The following CTNND2 variants were observed in gnomAD, a reference collection of about 807,000 sequenced individuals.
CTNND2 encodes the protein catenin delta 2.
A neutral mutation model predicts 144.4 loss-of-function variants in CTNND2; 22 were observed. The observed-to-expected ratio is 0.15, with a 90% CI of 0.11 to 0.22. CTNND2 has a LOEUF of 0.22. Ranked by LOEUF, CTNND2 falls within the 10% of genes least tolerant of loss-of-function variation. CTNND2 has a pLI of 1.00. For missense variants in CTNND2, 1,353 were observed against 1,618.8 expected (o/e 0.84, Z 2.82); for synonymous variants, 751 against 695.6 (o/e 1.08, Z -1.25).
intron 7 of CTNND2, among the ~76,000 whole-genome samples, chr5:11,382,333 T>A (rs1581068597): frequency 6.6e-6 from 1 of 152,290 alleles, no homozygotes; most frequent in East Asian, 1.9e-4. Flanking sequence ...GTGCGGTGGC[T>A]AAGGCCTGTA....
chr5:11,519,145 C>T (rs1026347981), intron 3 of CTNND2, among the ~76,000 whole-genome samples: 1 of 152,264 alleles, frequency 6.6e-6, no homozygotes, highest in Middle Eastern at 3.4e-3. Context: ...ACTAGTTCAT[C>T]TCAACATGCC....
At chr5:10,981,711 T>C in intron 21 of CTNND2, 62 bp downstream of exon 21, 1 of 1,454,398 alleles carries the variant, frequency 6.9e-7, no homozygotes, top group Non-Finnish European at 9.6e-7. Flanking sequence ...TGTTTAAAAT[T>C]CCAGGTTATT....
intron 1 of CTNND2, among the ~76,000 whole-genome samples, chr5:11,830,382 T>C (rs1447915229): frequency 6.6e-6 from 1 of 152,156 alleles, no homozygotes; most frequent in Non-Finnish European, 1.5e-5. Flanking sequence ...AGGGACCCTG[T>C]GGGAGGTAAT....
chr5:11,606,684 A>G (rs1780063078), intron 2 of CTNND2, among the ~76,000 whole-genome samples: 4 of 152,188 alleles, frequency 2.6e-5, no homozygotes, highest in Admixed American at 6.5e-5. Flanking sequence ...AGTCAGCTTT[A>G]TAAGTGTGTC....
chr5:11,585,166 G>C (rs1303426594), intron 2 of CTNND2, among the ~76,000 whole-genome samples: 2 of 152,076 alleles, frequency 1.3e-5, no homozygotes, highest in African/African-American at 2.4e-5. Flanking sequence ...GTTTCACTAA[G>C]AGTCTGTCTG....
chr5:11,695,615 T>C (rs1785106472), intron 2 of CTNND2, among the ~76,000 whole-genome samples: 1 of 152,230 alleles, frequency 6.6e-6, no homozygotes, highest in Non-Finnish European at 1.5e-5. Context: ...CGTAACAATG[T>C]CACATTCACA....
chr5:11,049,120 G>C lies in CTNND2; in HGVS notation c.2789-26141C>G, dbSNP rs370499049. 1.4e-4 allele frequency among the ~76,000 whole-genome samples: 21 copies of C among 152,322 alleles called. 1 individual carries two copies. In the South Asian group the frequency reaches 4.2e-3, roughly 30 times the overall value. On this transcript the variant is annotated intron_variant, in intron 16 of 21. Transcript: ENST00000304623. ...TAAGACGAGGTCACTGCTGGAAATGGGGGAAGGTAAGTCACCTTCTGAAAG... is the reference window on the plus strand; with the variant it reads ...TAAGACGAGGTCACTGCTGGAAATGCGGGAAGGTAAGTCACCTTCTGAAAG...
chr5:11,559,715 C>G (rs1776533950), intron 3 of CTNND2, among the ~76,000 whole-genome samples: 2 of 152,172 alleles, frequency 1.3e-5, no homozygotes, highest in South Asian at 4.1e-4. Flanking sequence ...ACCTGCTTCT[C>G]TGCAGCTTGC....
At chr5:10,978,094 G>A (rs1048995744) in intron 21 of CTNND2, among the ~76,000 whole-genome samples, 6 of 152,154 alleles carry the variant, frequency 3.9e-5, no homozygotes, top group East Asian at 1.9e-4. Context: ...AGACAGGAGC[G>A]CTCAGCAGAG....
chr5:11,723,255 A>G (rs954902345), intron 2 of CTNND2, among the ~76,000 whole-genome samples: 19 of 152,108 alleles, frequency 1.2e-4, no homozygotes, highest in African/African-American at 4.6e-4. Context: ...TCTAGTTTCA[A>G]AAAAAAAGAC....
intron 1 of CTNND2, among the ~76,000 whole-genome samples, chr5:11,825,392 C>T (rs941129581): frequency 6.6e-6 from 1 of 152,018 alleles, no homozygotes; most frequent in East Asian, 1.9e-4. Context: ...CAAGATAACT[C>T]AATACAGATT....
chr5:11,150,622 T>G lies in CTNND2; in HGVS notation c.2159+8954A>C, dbSNP rs1328383225. ...GGCCTCTGAACTGCTGCCTTCTTTT[T>G]TTTTTTTTTTTTTTTTTTTTTTGAC... On this transcript the variant is annotated intron_variant, in intron 12 of 21. Transcript: ENST00000304623. Among the ~76,000 whole-genome samples, 68 of 137,616 alleles carry G rather than the reference T, an allele frequency of 4.9e-4. 2 individuals are homozygous for G. The highest frequency in any genetic ancestry group is 1.8e-3 in the African/African-American group (65 of 36,420). The allele number at this position is 137,616 out of a possible 152,430, so 90.3% of individuals were successfully genotyped here. A position where few individuals can be genotyped will look rare whatever the true frequency, so the allele number is the denominator to read the frequency against.
At chr5:11,645,757 C>G (rs1257426926) in intron 2 of CTNND2, among the ~76,000 whole-genome samples, 1 of 151,926 alleles carries the variant, frequency 6.6e-6, no homozygotes, top group Non-Finnish European at 1.5e-5. Flanking sequence ...AGTTTACATC[C>G]TTATCATAAA....
intron 2 of CTNND2, among the ~76,000 whole-genome samples, chr5:11,704,455 C>T (rs921392421): frequency 2.6e-5 from 4 of 152,162 alleles, no homozygotes; most frequent in Non-Finnish European, 5.9e-5. Flanking sequence ...CTCTCAGTTG[C>T]TACCTGGCAG....
At chr5:11,710,299 T>C (rs1785950621) in intron 2 of CTNND2, among the ~76,000 whole-genome samples, 1 of 152,044 alleles carries the variant, frequency 6.6e-6, no homozygotes, top group Non-Finnish European at 1.5e-5. Flanking sequence ...TCCCAGCACT[T>C]TGGGAGGCTG....
In CTNND2 at chr5:11,879,350, T is replaced by TAC. The variant is rs1338107348; in HGVS notation, c.37+24466_37+24467insGT. Among the ~76,000 whole-genome samples the TAC allele has an allele frequency of 3.2e-4, 44 of 136,302 alleles. 6 individuals carry two copies. Among genetic ancestry groups the TAC allele is most frequent in the Admixed American group, 1.8e-3 (24 of 13,284 alleles). The allele number at this position is 136,302 out of a possible 152,430, so 89.4% of individuals were successfully genotyped here. On this transcript the variant is annotated intron_variant, in intron 1 of 21. Coordinates refer to ENST00000304623, the MANE Select transcript of CTNND2 (RefSeq NM_001332.4). Reference sequence around the variant, plus strand: ...AAAAAATTAAATGTGTGTATATATATATATATACATATACACACACACACA... The same window carrying TAC: ...AAAAAATTAAATGTGTGTATATATATACATATATACATATACACACACACACA...
At chr5:11,223,256 C>A (rs1236447209) in intron 10 of CTNND2, among the ~76,000 whole-genome samples, 1 of 152,224 alleles carries the variant, frequency 6.6e-6, no homozygotes, top group Non-Finnish European at 1.5e-5. Context: ...CCTTGTCCAT[C>A]TTCCTTGAAG....
chr5:10,995,779 G>T (rs1356867288), intron 18 of CTNND2, among the ~76,000 whole-genome samples: 2 of 152,198 alleles, frequency 1.3e-5, no homozygotes, highest in African/African-American at 4.8e-5. Context: ...GATTAAGTGA[G>T]CAATGGGGTC....
At chr5:11,856,022 A>G (rs980432575) in intron 1 of CTNND2, among the ~76,000 whole-genome samples, 3 of 152,362 alleles carry the variant, frequency 2.0e-5, no homozygotes, top group African/African-American at 4.8e-5. Context: ...ATGTGCATTA[A>G]GAAATTGTGG....
Sources: allele counts gnomAD v4.1 joint callset (sites outside exome capture counted in the v4.1 genomes callset), GRCh38; gene constraint gnomAD v4.1.1; transcripts MANE v1.5; gene names NCBI Gene and HGNC (gene_info 2026-07-23, HGNC 2026-07-21).